AKT3: variants seen among roughly 807,000 people sequenced by gnomAD.
The protein encoded by AKT3 is AKT serine/threonine kinase 3.
Under a neutral mutation model 65.3 loss-of-function variants are expected in AKT3, and 15 were observed. The observed-to-expected ratio is 0.23, with a 90% CI of 0.15 to 0.35. AKT3 has a LOEUF of 0.35. Ranked by LOEUF, AKT3 falls within the 10% of genes least tolerant of loss-of-function variation. The probability of loss-of-function intolerance (pLI) is 1.00; values close to 1 mark genes in which losing one functional copy is unlikely to be tolerated. For missense variants in AKT3, 243 were observed against 576.5 expected, an observed-to-expected ratio of 0.42 and a Z score of 5.92; for synonymous variants, 206 against 183.8, an observed-to-expected ratio of 1.12 and a Z score of -0.98.
At chr1:243,677,858 G>A (rs905965512) in intron 3 of AKT3, among the ~76,000 whole-genome samples, 4 of 152,032 alleles carry the variant, frequency 2.6e-5, no homozygotes, top group African/African-American at 7.2e-5. Context: ...AGACTGAGGC[G>A]GGTGGATTAC....
intron 2 of AKT3, among the ~76,000 whole-genome samples, chr1:243,842,862 AAC>A (rs961562153): frequency 6.6e-6 from 1 of 152,356 alleles, no homozygotes; most frequent in East Asian, 1.9e-4. Context: ...AGAAAAATAC[AAC>A]ACTTTCTGTA....
intron 11 of AKT3, among the ~76,000 whole-genome samples, chr1:243,547,199 T>C (rs1228341035): frequency 6.6e-6 from 1 of 152,170 alleles, no homozygotes; most frequent in Non-Finnish European, 1.5e-5. Context: ...ACTGAACATG[T>C]AGGCAGGAAG....
At chr1:243,733,277 T>G (rs1365769255) in intron 2 of AKT3, among the ~76,000 whole-genome samples, 1 of 152,228 alleles carries the variant, frequency 6.6e-6, no homozygotes, top group Admixed American at 6.5e-5. Context: ...AGACAAAAGA[T>G]AGCTCTCTTT....
intron 4 of AKT3, among the ~76,000 whole-genome samples, chr1:243,651,744 T>C (rs1476351918): frequency 9.9e-5 from 15 of 152,182 alleles, no homozygotes; most frequent in African/African-American, 3.4e-4. Context: ...GGGATGAAGC[T>C]GACTTGATCG....
intron 1 of AKT3, among the ~76,000 whole-genome samples, chr1:243,847,672 G>A (rs538447878): frequency 1.3e-5 from 2 of 152,172 alleles, no homozygotes; most frequent in African/African-American, 2.4e-5. Flanking sequence ...TAATCAACAC[G>A]TTTATTTAGA....
chr1:243,691,809 C>T (rs1468363445), intron 3 of AKT3, among the ~76,000 whole-genome samples: 1 of 152,146 alleles, frequency 6.6e-6, no homozygotes, highest in East Asian at 1.9e-4. Context: ...GAGGCCTAGC[C>T]TAGAGATTTA....
intron 10 of AKT3, among the ~76,000 whole-genome samples, chr1:243,556,258 G>A (rs1673399065): frequency 6.6e-6 from 1 of 152,052 alleles, no homozygotes; most frequent in Non-Finnish European, 1.5e-5. Flanking sequence ...ACAGCCAGGT[G>A]AGTTAAAACA....
chr1:243,847,290 T>A (rs961697774), intron 1 of AKT3, among the ~76,000 whole-genome samples: 2 of 152,204 alleles, frequency 1.3e-5, no homozygotes, highest in Non-Finnish European at 2.9e-5. Context: ...ATTTTTCTTT[T>A]TAACACTTCA....
At chr1:243,776,288 A>G (rs1295945150) in intron 2 of AKT3, among the ~76,000 whole-genome samples, 1 of 152,228 alleles carries the variant, frequency 6.6e-6, no homozygotes, top group Non-Finnish European at 1.5e-5. Flanking sequence ...CATGCTTTCC[A>G]TAAATTAATT....
At chr1:243,709,425 T>C (rs1192850398) in intron 2 of AKT3, among the ~76,000 whole-genome samples, 1 of 151,812 alleles carries the variant, frequency 6.6e-6, no homozygotes, top group Non-Finnish European at 1.5e-5. Context: ...TTTATTTAGG[T>C]TTTGTATTTA....
At chr1:243,557,527 C>A (rs1173195033) in intron 10 of AKT3, among the ~76,000 whole-genome samples, 2 of 151,880 alleles carry the variant, frequency 1.3e-5, no homozygotes, top group Non-Finnish European at 2.9e-5. Flanking sequence ...GGCGTTAATT[C>A]CATTTTAGTT....
At chr1:243,720,298 C>CA (rs971584750) in intron 2 of AKT3, among the ~76,000 whole-genome samples, 2 of 149,692 alleles carry the variant, frequency 1.3e-5, no homozygotes, top group Non-Finnish European at 3.0e-5. Flanking sequence ...AACTCAAACT[C>CA]AAAAAAAATT....
chr1:243,570,538 A>G (rs986173786), intron 9 of AKT3, among the ~76,000 whole-genome samples: 17 of 152,226 alleles, frequency 1.1e-4, no homozygotes, highest in African/African-American at 3.6e-4. Flanking sequence ...GCTAGGATTC[A>G]TGAGTTCCAA....
intron 12 of AKT3, among the ~76,000 whole-genome samples, chr1:243,519,080 G>A (rs1670545240): frequency 6.6e-6 from 1 of 152,206 alleles, no homozygotes; most frequent in African/African-American, 2.4e-5. Flanking sequence ...ATGAGACAAT[G>A]TGGAAGACGA....
intron 9 of AKT3, among the ~76,000 whole-genome samples, chr1:243,566,236 T>C (rs1334389088): frequency 6.6e-6 from 1 of 152,190 alleles, no homozygotes; most frequent in Admixed American, 6.5e-5. Flanking sequence ...CATCTAATTC[T>C]GTAACCTCGT....
intron 2 of AKT3, among the ~76,000 whole-genome samples, chr1:243,786,059 T>C (rs192616478): frequency 1.5e-4 from 23 of 152,316 alleles, no homozygotes; most frequent in African/African-American, 5.3e-4. Context: ...TTAAAGATCA[T>C]CAAGAACAGT....
chr1:243,601,843 G>A (rs1677027867), intron 8 of AKT3, among the ~76,000 whole-genome samples: 1 of 152,156 alleles, frequency 6.6e-6, no homozygotes, highest in Admixed American at 6.5e-5. Flanking sequence ...TATAGTTTTT[G>A]ATATTTAAAT....
intron 3 of AKT3, among the ~76,000 whole-genome samples, chr1:243,680,493 C>T (rs888490628): frequency 2.6e-5 from 4 of 152,080 alleles, no homozygotes; most frequent in Admixed American, 6.6e-5. Context: ...CCCAAAAGAA[C>T]GCCTCTGTAT....
At chr1:243,533,106 G>A (rs936447040) in intron 12 of AKT3, among the ~76,000 whole-genome samples, 39 of 151,750 alleles carry the variant, frequency 2.6e-4, no homozygotes, top group African/African-American at 8.7e-4. Flanking sequence ...TTTCGGTTTC[G>A]GTCATTATTC....
Sources: gnomAD v4.1 joint callset for allele counts (sites outside exome capture counted in the v4.1 genomes callset) on GRCh38, gnomAD v4.1.1 for gene constraint, MANE v1.5 for transcripts, NCBI Gene and HGNC (gene_info 2026-07-23, HGNC 2026-07-21) for gene names.